SLAIN1: variants seen among roughly 807,000 people sequenced by gnomAD.
SLAIN1 encodes the protein SLAIN family member 1.
A neutral mutation model predicts 55.4 loss-of-function variants in SLAIN1; 17 were observed. The ratio of observed to expected loss-of-function variants is 0.31; its 90% CI spans 0.21 to 0.46. The LOEUF is 0.46. SLAIN1 is among the 20% of genes least tolerant of loss of function. The pLI is 1.00. For missense variants in SLAIN1, 682 were observed against 785.1 expected, an observed-to-expected ratio of 0.87 and a Z score of 1.57; for synonymous variants, 348 against 337.4, an observed-to-expected ratio of 1.03 and a Z score of -0.35.
chr13:77,740,928 A>G lies in SLAIN1; in HGVS notation c.767-3355A>G, dbSNP rs150997099. 2.1e-3 allele frequency among the ~76,000 whole-genome samples: 322 copies of G among 152,172 alleles called. 1 individual carries two copies. The highest frequency in any genetic ancestry group is 6.3e-3 in the African/African-American group (261 of 41,554). On this transcript the variant is annotated intron_variant, in intron 2 of 6. Coordinates refer to ENST00000418532, the MANE Select transcript of SLAIN1 (RefSeq NM_001242868.2). Reference sequence around the variant, plus strand: ...ATTGTTTTGTTAGCCTGCCTTTACAATAATTTTCCTCCCCTTTCTGAAAAG... The same window carrying G: ...ATTGTTTTGTTAGCCTGCCTTTACAGTAATTTTCCTCCCCTTTCTGAAAAG...
At chr13:77,737,525 C>T (rs1218884266) in intron 2 of SLAIN1, among the ~76,000 whole-genome samples, 1 of 152,084 alleles carries the variant, frequency 6.6e-6, no homozygotes, top group African/African-American at 2.4e-5. Context: ...AACCTACCAA[C>T]CTCTCCAGCC....
intron 1 of SLAIN1, among the ~76,000 whole-genome samples, chr13:77,717,156 C>T (rs1419607245): frequency 6.6e-6 from 1 of 151,954 alleles, no homozygotes; most frequent in Non-Finnish European, 1.5e-5. Context: ...TTTGTACCAA[C>T]TTTTTATTTC....
chr13:77,741,286 G>A (rs1873417513), intron 2 of SLAIN1: 1 of 987,294 alleles, frequency 1.0e-6, no homozygotes, highest in African/African-American at 1.7e-5. Flanking sequence ...GAATAATAGA[G>A]ATTGAACATG....
chr13:77,738,649 A>T lies in SLAIN1; in HGVS notation c.767-5634A>T, dbSNP rs138976615. Among the ~76,000 whole-genome samples the T allele has an allele frequency of 1.2e-3, 182 of 152,198 alleles. 1 individual carries two copies. The highest frequency in any genetic ancestry group is 4.1e-3 in the African/African-American group (170 of 41,552). On this transcript the variant is annotated intron_variant, in intron 2 of 6. Coordinates refer to ENST00000418532, the MANE Select transcript of SLAIN1 (RefSeq NM_001242868.2). ...CAAACACTGCATGTTCTCACTTATA[A>T]GTGGGAGCTGAACAGTGAGAAGATA...
chr13:77,728,401 GCTT>G (rs969557826), intron 2 of SLAIN1, among the ~76,000 whole-genome samples: 2 of 152,124 alleles, frequency 1.3e-5, no homozygotes, highest in Non-Finnish European at 2.9e-5. Context: ...GCTTATCTTG[GCTT>G]AAGGTACTTG....
intron 2 of SLAIN1, among the ~76,000 whole-genome samples, chr13:77,742,383 C>T (rs556612101): frequency 5.9e-5 from 9 of 151,752 alleles, no homozygotes; most frequent in Admixed American, 1.3e-4. Context: ...GTCTCTGTAC[C>T]GGATAGTCAT....
intron 1 of SLAIN1, among the ~76,000 whole-genome samples, chr13:77,709,071 T>A (rs2091119839): frequency 6.6e-6 from 1 of 151,736 alleles, no homozygotes; most frequent in Non-Finnish European, 1.5e-5. Context: ...AGAACATAAA[T>A]GACCTGATGG....
At chr13:77,710,544 A>C (rs947533023) in intron 1 of SLAIN1, among the ~76,000 whole-genome samples, 2 of 152,206 alleles carry the variant, frequency 1.3e-5, no homozygotes, top group African/African-American at 4.8e-5. Flanking sequence ...AGAGCTAACT[A>C]TCCTAAATAT....
rs904684839 is a variant in SLAIN1, at chr13:77,763,984, C to A, written c.*764C>A. On this transcript the variant is annotated 3_prime_UTR_variant, in exon 7 of 7. Transcript: ENST00000418532. ...CATCATGAGCTCATTGCACTTAATA[C>A]CTGCAATGTTTGCTACTGTACCACA... 2 of 152,510 alleles carry A rather than the reference C, an allele frequency of 1.3e-5. No individual in the cohort carries two copies. The highest frequency in any genetic ancestry group is 6.5e-5 in the Admixed American group (1 of 15,276). The allele number at this position is 152,510 out of a possible 1,614,324, so 9.4% of individuals were successfully genotyped here.
Position 77,754,860 on chromosome 13 carries a change from A to G in SLAIN1, c.1414+1502A>G, listed in dbSNP as rs78684609. Among the ~76,000 whole-genome samples the G allele has an allele frequency of 5.1e-3, 774 of 152,308 alleles. 9 individuals carry two copies. Among genetic ancestry groups the G allele is most frequent in the Admixed American group, 0.011 (167 of 15,296 alleles). On this transcript the variant is annotated intron_variant, in intron 5 of 6. Coordinates refer to ENST00000418532, the MANE Select transcript of SLAIN1 (RefSeq NM_001242868.2). ...TGTTCCCAGTGCCTGACGTATTGCCAGAACATAAGGAACTCTCAGTGAATG... is the reference window on the plus strand; with the variant it reads ...TGTTCCCAGTGCCTGACGTATTGCCGGAACATAAGGAACTCTCAGTGAATG...
At position 77,698,425 on chromosome 13, in the gene SLAIN1, C is replaced by G. The variant is rs1169249437; in HGVS notation, c.512C>G (p.Thr171Arg). 1 of 1,395,166 alleles carries G rather than the reference C, an allele frequency of 7.2e-7. No individual in the cohort carries two copies. Among genetic ancestry groups the G allele is most frequent in the Non-Finnish European group, 9.3e-7 (1 of 1,080,302 alleles). 86.4% of individuals were successfully genotyped at this position (1,395,166 alleles called of 1,614,324 possible). ...GGGCCGGAGCCGGGGGGCGCGGGGA[C>G]GCCGCCAGGGGCAGCTGCAGCGCCG... ...GGGPEPGGAG[T>R]PPGAAAAPPS... Residue 171 changes from threonine to arginine, a missense_variant, in exon 1 of 7, where the codon ACG (threonine) becomes AGG (arginine). By Grantham distance (71) the Thr-to-Arg change is moderately conservative. Around this residue, in one of 3 missense-constraint regions of SLAIN1, gnomAD observed 401 missense variants for 417.3 expected, o/e 0.96. Coordinates refer to ENST00000418532, the MANE Select transcript of SLAIN1 (RefSeq NM_001242868.2). This position sits in a 1 kb window ranked among gnomAD's most constrained non-coding sequence, Gnocchi z 4.1.
At position 77,698,411 on chromosome 13, in the gene SLAIN1, G is replaced by T. The variant is rs1298979510; in HGVS notation, c.498G>T (p.Pro166=). Residue 166 remains proline (P), a synonymous_variant, in exon 1 of 7, where the codon CCG becomes CCT. Coordinates refer to ENST00000418532, the MANE Select transcript of SLAIN1 (RefSeq NM_001242868.2). The surrounding 1 kb of genome is among the most constrained non-coding windows in gnomAD (Gnocchi z 4.1). ...GCGCGGGCGGTGGCGGGCCGGAGCC[G>T]GGGGGCGCGGGGACGCCGCCAGGGG... ...FFGAGGGGPE[P]GGAGTPPGAA... 1 of 1,393,040 alleles carries T rather than the reference G, an allele frequency of 7.2e-7. No homozygotes were observed. Among genetic ancestry groups the T allele is most frequent in the Non-Finnish European group, 9.3e-7 (1 of 1,078,398 alleles). 86.3% of individuals were successfully genotyped at this position (1,393,040 alleles called of 1,614,324 possible).
rs921349552 is a variant in SLAIN1 at position 77,763,713 on chromosome 13, G to A, written c.*493G>A. On this transcript the variant is annotated 3_prime_UTR_variant, in exon 7 of 7. Coordinates refer to ENST00000418532, the MANE Select transcript of SLAIN1 (RefSeq NM_001242868.2). Reference sequence around the variant, plus strand: ...TGTGCCTATTTCTTTTTACACCTATGTGAACCACTATGGAACAACTTAAAT... The same window carrying A: ...TGTGCCTATTTCTTTTTACACCTATATGAACCACTATGGAACAACTTAAAT... 2.6e-5 allele frequency: 4 copies of A among 153,436 alleles called. No homozygotes were observed. Among genetic ancestry groups the A allele is most frequent in the Admixed American group, 1.3e-4 (2 of 15,460 alleles). The allele number at this position is 153,436 out of a possible 1,614,324, so 9.5% of individuals were successfully genotyped here.
intron 2 of SLAIN1, among the ~76,000 whole-genome samples, chr13:77,721,072 A>T (rs1394124455): frequency 2.6e-5 from 4 of 152,150 alleles, no homozygotes; most frequent in Non-Finnish European, 4.4e-5. Flanking sequence ...GTTCCCAGCC[A>T]AATCTCATCT....
At chr13:77,759,563 T>A (rs2154411035) in intron 5 of SLAIN1, among the ~76,000 whole-genome samples, 1 of 152,356 alleles carries the variant, frequency 6.6e-6, no homozygotes, top group Admixed American at 6.5e-5. Flanking sequence ...TTCAATATGA[T>A]GTTGACTATG....
chr13:77,739,306 G>A (rs1369986700), intron 2 of SLAIN1, among the ~76,000 whole-genome samples: 5 of 152,110 alleles, frequency 3.3e-5, no homozygotes, highest in Non-Finnish European at 1.5e-5. Flanking sequence ...TGTCAGGATA[G>A]GAGTGGTAGA....
At chr13:77,750,938 C>T (rs1874165508) in intron 4 of SLAIN1, among the ~76,000 whole-genome samples, 3 of 152,106 alleles carry the variant, frequency 2.0e-5, no homozygotes, top group Admixed American at 2.0e-4. Flanking sequence ...TCTAAGTATA[C>T]TTATTGTGCT....
At chr13:77,750,781 G>T (rs1874154289) in intron 4 of SLAIN1, among the ~76,000 whole-genome samples, 1 of 152,114 alleles carries the variant, frequency 6.6e-6, no homozygotes, top group South Asian at 2.1e-4. Flanking sequence ...CTTCCAGCTG[G>T]GAAGTCCATA....
intron 3 of SLAIN1, 117 bp from the exon 4 acceptor site, chr13:77,746,397 G>T (rs1873812434): frequency 1.2e-6 from 1 of 823,058 alleles, no homozygotes; most frequent in East Asian, 2.7e-5. Context: ...TTGAGAACAA[G>T]ATAATAAGTC....
Sources: allele counts gnomAD v4.1 joint callset (sites outside exome capture counted in the v4.1 genomes callset), GRCh38; gene constraint gnomAD v4.1.1; regional missense constraint gnomAD v4.1.1; non-coding constraint Gnocchi (gnomAD v3.1); transcripts MANE v1.5; gene names NCBI Gene and HGNC (gene_info 2026-07-23, HGNC 2026-07-21).